ARL13B: variants seen among roughly 807,000 people sequenced by gnomAD.
ARL13B encodes ARF like GTPase 13B, also known as ADP-ribosylation factor-like protein 13B.
ARL13B carries 36 observed loss-of-function variants against 56.1 expected under a neutral mutation model. The observed-to-expected ratio is 0.64, with a 90% CI of 0.49 to 0.85. The LOEUF is 0.85. Ranked by LOEUF, ARL13B falls within the 40% of genes least tolerant of loss-of-function variation. ARL13B has a pLI of 0.00. For synonymous variants in ARL13B, 178 were observed against 171.1 expected (o/e 1.04, Z -0.32); for missense variants, 519 against 507.1 (o/e 1.02, Z -0.23).
chr3:94,023,474 G>A (rs2076491412), intron 3 of ARL13B, among the ~76,000 whole-genome samples: 1 of 151,766 alleles, frequency 6.6e-6, no homozygotes, highest in African/African-American at 2.4e-5. Context: ...AGAAACTCAT[G>A]TATTTACGGT....
intron 3 of ARL13B, among the ~76,000 whole-genome samples, chr3:94,018,834 C>T (rs748352702): frequency 2.0e-5 from 3 of 151,894 alleles, no homozygotes; most frequent in Non-Finnish European, 4.4e-5. Context: ...GGTGTGGTCT[C>T]GGCTCACTGC....
At chr3:94,015,535 A>G (rs1182409061) in intron 3 of ARL13B, among the ~76,000 whole-genome samples, 2 of 152,206 alleles carry the variant, frequency 1.3e-5, no homozygotes, top group Non-Finnish European at 2.9e-5. Flanking sequence ...GAAAGCAGTG[A>G]TGCAGACACA....
chr3:93,984,847 A>G (rs1025862887), intron 1 of ARL13B, among the ~76,000 whole-genome samples: 3 of 152,042 alleles, frequency 2.0e-5, no homozygotes, highest in Non-Finnish European at 2.9e-5. Flanking sequence ...TCCGTACAAA[A>G]ATGTTTTAAA....
intron 1 of ARL13B, among the ~76,000 whole-genome samples, chr3:93,992,300 T>A (rs1223055006): frequency 6.6e-6 from 1 of 152,178 alleles, no homozygotes; most frequent in African/African-American, 2.4e-5. Context: ...TTACTTTGAC[T>A]CATAAGGGAT....
chr3:93,996,807 AC>A (rs1172324699), intron 2 of ARL13B: 2 of 171,218 alleles, frequency 1.2e-5, no homozygotes, highest in African/African-American at 2.4e-5. Context: ...GGGGCCGTGG[AC>A]CAATATCTGT....
At chr3:94,025,431 C>T (rs1027968825) in intron 3 of ARL13B, among the ~76,000 whole-genome samples, 1 of 152,016 alleles carries the variant, frequency 6.6e-6, no homozygotes. Context: ...GGATCCTATG[C>T]CTGTATTTCT....
chr3:94,012,450 A>G (rs990986483), intron 3 of ARL13B, among the ~76,000 whole-genome samples: 8 of 152,126 alleles, frequency 5.3e-5, no homozygotes, highest in Non-Finnish European at 1.2e-4. Context: ...TTTTAAATCT[A>G]TCAGAAGTTA....
intron 3 of ARL13B, among the ~76,000 whole-genome samples, chr3:94,022,157 G>C (rs573886656): frequency 3.9e-5 from 6 of 151,966 alleles, no homozygotes; most frequent in Middle Eastern, 3.4e-3. Context: ...GAGTTTCGCT[G>C]TTGTCACCCA....
chr3:94,051,912 T>G (rs2077073194), intron 9 of ARL13B, among the ~76,000 whole-genome samples: 1 of 152,028 alleles, frequency 6.6e-6, no homozygotes, highest in Non-Finnish European at 1.5e-5. Context: ...TTAGTGAAAA[T>G]TCATGAATTT....
intron 1 of ARL13B, among the ~76,000 whole-genome samples, chr3:93,994,048 A>G (rs916651854): frequency 6.6e-6 from 1 of 152,240 alleles, no homozygotes; most frequent in Non-Finnish European, 1.5e-5. Flanking sequence ...CATCTAGAAA[A>G]GATAAAGGCT....
intron 7 of ARL13B, among the ~76,000 whole-genome samples, chr3:94,046,161 A>T (rs1458000940): frequency 1.3e-5 from 2 of 151,834 alleles, no homozygotes; most frequent in African/African-American, 4.8e-5. Context: ...TAGTATAAAG[A>T]TTGATACATT....
At chr3:94,001,598 G>T (rs1016456443) in intron 2 of ARL13B, among the ~76,000 whole-genome samples, 2 of 151,858 alleles carry the variant, frequency 1.3e-5, no homozygotes, top group Non-Finnish European at 2.9e-5. Context: ...TTTTTTTAAA[G>T]AACATACAAA....
chr3:94,001,750 C>T (rs1273367924), intron 2 of ARL13B, among the ~76,000 whole-genome samples: 1 of 152,144 alleles, frequency 6.6e-6, no homozygotes, highest in East Asian at 1.9e-4. Flanking sequence ...TGTTAGTTCC[C>T]TTATTCCTAC....
Position 94,054,128 on chromosome 3 carries a change from T to C in ARL13B, c.*865T>C. The stretch of plus-strand genomic sequence containing the variant: ...CTTTCAGAGATCAAGGTGCTCCCTA[T>C]ACTCCCTTGTTCCATCAGAAGCTGC... On this transcript the variant is annotated 3_prime_UTR_variant, in exon 10 of 10. Coordinates refer to ENST00000394222, the MANE Select transcript of ARL13B (RefSeq NM_001174150.2). 2.2e-6 allele frequency: 1 copy of C among 453,118 alleles called. No individual in the cohort carries two copies. The highest frequency in any genetic ancestry group is 1.6e-5 in the South Asian group (1 of 64,364). The allele number at this position is 453,118 out of a possible 1,614,324, so 28.1% of individuals were successfully genotyped here. A position where few individuals can be genotyped will look rare whatever the true frequency, so the allele number is the denominator to read the frequency against.
At chr3:94,009,255 C>A (rs897772959) in intron 3 of ARL13B, among the ~76,000 whole-genome samples, 10 of 152,046 alleles carry the variant, frequency 6.6e-5, no homozygotes, top group Admixed American at 5.9e-4. Flanking sequence ...AGATTAAAAA[C>A]CCTGTCAGTG....
intron 7 of ARL13B, among the ~76,000 whole-genome samples, 168 bp downstream of exon 7, chr3:94,043,408 T>C (rs377462338): frequency 1.3e-5 from 2 of 151,560 alleles, no homozygotes; most frequent in East Asian, 3.9e-4. Flanking sequence ...ATTCAGTTTG[T>C]TCCTAACCTG....
intron 3 of ARL13B, 49 bp from the exon 4 acceptor site, chr3:94,035,282 C>A: frequency 2.6e-6 from 3 of 1,173,244 alleles, no homozygotes; most frequent in Non-Finnish European, 3.7e-6. Flanking sequence ...CTTTAAGTTT[C>A]CATCCAATTA....
chr3:94,028,044 A>G (rs1261841609), intron 3 of ARL13B, among the ~76,000 whole-genome samples: 1 of 152,186 alleles, frequency 6.6e-6, no homozygotes, highest in Non-Finnish European at 1.5e-5. Context: ...TCTATAAAAG[A>G]AATAATTTTA....
intron 6 of ARL13B, among the ~76,000 whole-genome samples, chr3:94,042,141 C>G (rs1368482078): frequency 6.6e-6 from 1 of 152,044 alleles, no homozygotes; most frequent in Non-Finnish European, 1.5e-5. Flanking sequence ...GAAAATAACA[C>G]TAAGTTAAAT....
Sources: allele counts gnomAD v4.1 joint callset (sites outside exome capture counted in the v4.1 genomes callset), GRCh38; gene constraint gnomAD v4.1.1; transcripts MANE v1.5; gene names NCBI Gene and HGNC (gene_info 2026-07-23, HGNC 2026-07-21).